The following STK32A variants were observed in gnomAD, a reference collection of about 807,000 sequenced individuals.
STK32A encodes serine/threonine kinase 32A, also known as serine/threonine-protein kinase 32A.
A neutral mutation model predicts 53.2 loss-of-function variants in STK32A; 41 were observed. That is an observed-to-expected ratio of 0.77 (90% CI 0.60 to 1.00). The LOEUF is 1.00. STK32A is among the 50% of genes least tolerant of loss of function. STK32A has a pLI of 0.00. For missense variants in STK32A, 458 were observed against 485.8 expected, an observed-to-expected ratio of 0.94 and a Z score of 0.54; for synonymous variants, 166 against 162.8, an observed-to-expected ratio of 1.02 and a Z score of -0.15.
At chr5:147,337,042 G>T (rs186458555) in intron 5 of STK32A, among the ~76,000 whole-genome samples, 5 of 152,140 alleles carry the variant, frequency 3.3e-5, no homozygotes, top group Admixed American at 1.3e-4. Context: ...CAGGGGAGGC[G>T]CAATGAAGGG....
chr5:147,280,377 T>A lies in STK32A; in HGVS notation c.260+979T>A, dbSNP rs1432007344. Among the ~76,000 whole-genome samples, 7 of 134,996 alleles carry A rather than the reference T, an allele frequency of 5.2e-5. No individual in the cohort carries two copies. The East Asian group carries it at 1.7e-3, about 33-fold the overall frequency. 88.6% of individuals were successfully genotyped at this position (134,996 alleles called of 152,430 possible). A position where few individuals can be genotyped will look rare whatever the true frequency, so the allele number is the denominator to read the frequency against. On this transcript the variant is annotated intron_variant, in intron 4 of 12. Transcript: ENST00000397936. ...CAGGTTTTCAAGCAGGTATTGCTTCTCTACTTAGAAACAACCTGGGAGCTG... is the reference window on the plus strand; with the variant it reads ...CAGGTTTTCAAGCAGGTATTGCTTCACTACTTAGAAACAACCTGGGAGCTG...
At chr5:147,327,582 G>A (rs1054065542) in intron 5 of STK32A, among the ~76,000 whole-genome samples, 3 of 152,216 alleles carry the variant, frequency 2.0e-5, no homozygotes, top group Non-Finnish European at 4.4e-5. Flanking sequence ...GTGGAAGTAG[G>A]AGCAGCAGTA....
At chr5:147,377,135 G>A (rs1224541594) in intron 11 of STK32A, among the ~76,000 whole-genome samples, 2 of 151,806 alleles carry the variant, frequency 1.3e-5, no homozygotes, top group African/African-American at 4.8e-5. Flanking sequence ...GGGATGCTGT[G>A]GTTTGTTTTT....
chr5:147,366,189 C>G (rs1213469763), intron 8 of STK32A, among the ~76,000 whole-genome samples: 3 of 152,086 alleles, frequency 2.0e-5, no homozygotes, highest in Non-Finnish European at 4.4e-5. Context: ...TATTTCTGAC[C>G]CTTCATGAAC....
At chr5:147,263,354 T>C (rs1418166245) in intron 2 of STK32A, among the ~76,000 whole-genome samples, 1 of 152,200 alleles carries the variant, frequency 6.6e-6, no homozygotes, top group Non-Finnish European at 1.5e-5. Flanking sequence ...ACTCAGAATG[T>C]CCAAACAGGG....
chr5:147,368,448 AGTGTGTGT>A (rs59156712), intron 8 of STK32A, among the ~76,000 whole-genome samples: 1 of 150,822 alleles, frequency 6.6e-6, no homozygotes, highest in African/African-American at 2.4e-5. Context: ...CATTTATTTA[AGTGTGTGT>A]GTGTGTGTGT....
At chr5:147,312,400 G>A (rs764012744) in intron 4 of STK32A, among the ~76,000 whole-genome samples, 18 of 152,046 alleles carry the variant, frequency 1.2e-4, no homozygotes, top group Non-Finnish European at 2.1e-4. Flanking sequence ...CACTGCCCCC[G>A]GCCTGAACAC....
chr5:147,305,154 A>C (rs528616058), intron 4 of STK32A, among the ~76,000 whole-genome samples: 1 of 152,244 alleles, frequency 6.6e-6, no homozygotes, highest in South Asian at 2.1e-4. Flanking sequence ...GTCAGCTAAA[A>C]CTGGGCTCTT....
At chr5:147,388,394 G>C (rs1325062875), downstream of STK32A, among the ~76,000 whole-genome samples, 5 of 152,188 alleles carry the variant, frequency 3.3e-5, no homozygotes, top group Admixed American at 6.5e-5. Flanking sequence ...CAAGCTGCTG[G>C]CTCCATGGGC....
At chr5:147,389,470 A>G (rs1306636414), downstream of STK32A, among the ~76,000 whole-genome samples, 1 of 152,224 alleles carries the variant, frequency 6.6e-6, no homozygotes, top group Non-Finnish European at 1.5e-5. Context: ...ACATGCCCCA[A>G]GCCAGACTGA....
At chr5:147,342,700 A>G (rs929009704) in intron 5 of STK32A, 9 of 350,372 alleles carry the variant, frequency 2.6e-5, no homozygotes, top group African/African-American at 1.8e-4. Flanking sequence ...CAATATCTAC[A>G]TGCTTAGATA....
At chr5:147,248,375 G>A (rs1323409427) in intron 2 of STK32A, among the ~76,000 whole-genome samples, 3 of 152,042 alleles carry the variant, frequency 2.0e-5, no homozygotes, top group Admixed American at 6.5e-5. Flanking sequence ...GTTGATCTGT[G>A]TGAGCCAGTG....
At chr5:147,338,320 C>G (rs1366898219) in intron 5 of STK32A, among the ~76,000 whole-genome samples, 3 of 152,112 alleles carry the variant, frequency 2.0e-5, no homozygotes, top group Admixed American at 6.6e-5. Flanking sequence ...GTAAGAGGTG[C>G]CTTTGCTTCT....
At chr5:147,395,557 A>T in the STK32A span, 1 of 1,609,712 alleles carries the variant, frequency 6.2e-7, no homozygotes, top group Non-Finnish European at 8.5e-7. Context: ...TGTCCCACTC[A>T]CCTGACAGGC....
intron 9 of STK32A, among the ~76,000 whole-genome samples, chr5:147,371,795 G>A (rs534761177): frequency 1.2e-3 from 178 of 152,258 alleles, no homozygotes; most frequent in African/African-American, 4.3e-3. Flanking sequence ...TACTGGCAAT[G>A]CATAATAAGA....
intron 2 of STK32A, among the ~76,000 whole-genome samples, chr5:147,267,105 A>C (rs562930844): frequency 1.3e-5 from 2 of 152,150 alleles, no homozygotes; most frequent in Admixed American, 1.3e-4. Context: ...TAGCAATAAC[A>C]TAAATAGCAG....
chr5:147,321,921 A>G (rs192852985), intron 4 of STK32A, among the ~76,000 whole-genome samples: 17 of 152,156 alleles, frequency 1.1e-4, no homozygotes, highest in Admixed American at 2.6e-4. Context: ...TCCCTATTGC[A>G]TCTGCCACTC....
At chr5:147,247,455 G>C (rs895277389) in intron 2 of STK32A, among the ~76,000 whole-genome samples, 1 of 152,200 alleles carries the variant, frequency 6.6e-6, no homozygotes, top group African/African-American at 2.4e-5. Flanking sequence ...AGGCTTTTCT[G>C]TTTCCTCCTA....
In STK32A at chr5:147,355,792, G is replaced by GTGTGTA. The variant is rs984298293; in HGVS notation, c.562+4639_562+4640insGTGTAT. ...TATGTATGTGTGTGAGTGTGTGTGT[G>GTGTGTA]TATATATATATATATATATAAATAA... On this transcript the variant is annotated intron_variant, in intron 7 of 12. Transcript: ENST00000397936. 1.2e-4 allele frequency among the ~76,000 whole-genome samples: 18 copies of GTGTGTA among 147,848 alleles called. 1 individual carries two copies. Among genetic ancestry groups the GTGTGTA allele is most frequent in the Admixed American group, 1.1e-3 (16 of 14,940 alleles).
Sources: allele counts gnomAD v4.1 joint callset (sites outside exome capture counted in the v4.1 genomes callset), GRCh38; gene constraint gnomAD v4.1.1; transcripts MANE v1.5; gene names NCBI Gene and HGNC (gene_info 2026-07-23, HGNC 2026-07-21).